The following MNS1 variants were observed in gnomAD, a reference collection of about 807,000 sequenced individuals.
The protein encoded by MNS1 is meiosis specific nuclear structural 1.
Under a neutral mutation model 72.0 loss-of-function variants are expected in MNS1, and 63 were observed. That is an observed-to-expected ratio of 0.87 (90% CI 0.71 to 1.08). The LOEUF (loss-of-function observed/expected upper bound fraction) is 1.08. MNS1 is among the 50% of genes least tolerant of loss of function. The pLI is 0.00. For synonymous variants in MNS1, 188 were observed against 172.1 expected (o/e 1.09, Z -0.72); for missense variants, 604 against 562.4 (o/e 1.07, Z -0.75).
chr15:56,456,391 T>G lies in MNS1; in HGVS notation c.353+3A>C, dbSNP rs773072033. On this transcript the variant is annotated splice_donor_region_variant and intron_variant, in intron 3 of 9. Transcript: ENST00000260453. ...TAAATGAAATTTAGAGAAACCAAGATACCTGTTTTCTCTTACTTGTTGCCT... is the reference window on the plus strand; with the variant it reads ...TAAATGAAATTTAGAGAAACCAAGAGACCTGTTTTCTCTTACTTGTTGCCT... The G allele has an allele frequency of 1.9e-6, 3 of 1,601,038 alleles. No homozygotes were observed. The highest frequency in any genetic ancestry group is 2.5e-6 in the Non-Finnish European group (3 of 1,176,648).
chr15:56,432,883 T>G (rs1443105671), intron 8 of MNS1, among the ~76,000 whole-genome samples: 2 of 152,236 alleles, frequency 1.3e-5, no homozygotes, highest in Non-Finnish European at 1.5e-5. Context: ...TAAGTCTCAC[T>G]TAGTCTTCCT....
Position 56,443,541 on chromosome 15 carries a change from T to C in MNS1, c.904-4A>G. On this transcript the variant is annotated splice_polypyrimidine_tract_variant and splice_region_variant and intron_variant, in intron 6 of 9. Transcript: ENST00000260453. ...TTTCTTCTAATTTCTGTGTCAACTA[T>C]TAAATTTTTTAAAAAACATAAATAT... The C allele has an allele frequency of 1.3e-6, 2 of 1,578,134 alleles. No individual in the cohort carries two copies. The highest frequency in any genetic ancestry group is 1.7e-6 in the Non-Finnish European group (2 of 1,168,142).
intron 3 of MNS1, among the ~76,000 whole-genome samples, chr15:56,451,646 T>C (rs747728804): frequency 5.3e-5 from 8 of 152,210 alleles, no homozygotes; most frequent in Non-Finnish European, 7.3e-5. Context: ...ATTTTGATTA[T>C]AGACAGTCTC....
chr15:56,429,086 C>T lies in MNS1; in HGVS notation c.*15G>A, dbSNP rs772699558. 2.2e-5 allele frequency: 34 copies of T among 1,531,592 alleles called. No individual in the cohort carries two copies. In the Middle Eastern group the frequency reaches 1.7e-3, roughly 77 times the overall value. The allele number at this position is 1,531,592 out of a possible 1,614,324, so 94.9% of individuals were successfully genotyped here. A position where few individuals can be genotyped will look rare whatever the true frequency, so the allele number is the denominator to read the frequency against. On this transcript the variant is annotated 3_prime_UTR_variant, in exon 10 of 10. Transcript: ENST00000260453. ...AACATGCAAAAAATCTATGCTTTAC[C>T]CAATTTTGATGATATCATTTCTCTT...
At chr15:56,443,213 A>G (rs1233750420) in intron 7 of MNS1, among the ~76,000 whole-genome samples, 1 of 152,184 alleles carries the variant, frequency 6.6e-6, no homozygotes, top group African/African-American at 2.4e-5. Flanking sequence ...TACAGACAAC[A>G]TAGTTGCATC....
chr15:56,443,984 A>T, intron 5 of MNS1, 130 bp from the exon 6 acceptor site: 1 of 719,272 alleles, frequency 1.4e-6, no homozygotes, highest in Non-Finnish European at 2.2e-6. Context: ...AACATTTTGA[A>T]TGCTTACTGT....
At position 56,428,891 on chromosome 15, in the gene MNS1, T is replaced by C; in HGVS notation, c.*210A>G. On this transcript the variant is annotated 3_prime_UTR_variant, in exon 10 of 10. Transcript: ENST00000260453. ...ACAGTGCTCTGTAGTGTTGTAGAAA[T>C]CGGATTTTGAAATTATCAGTACAAA... The C allele has an allele frequency of 4.0e-6, 2 of 501,724 alleles. No individual in the cohort carries two copies. Among genetic ancestry groups the C allele is most frequent in the Non-Finnish European group, 7.0e-6 (2 of 287,686 alleles). 31.1% of individuals were successfully genotyped at this position (501,724 alleles called of 1,614,324 possible).
intron 3 of MNS1, among the ~76,000 whole-genome samples, chr15:56,450,376 C>T (rs2050939610): frequency 6.6e-6 from 1 of 151,974 alleles, no homozygotes; most frequent in South Asian, 2.1e-4. Context: ...TTTTTCATTC[C>T]CCCCAAAGAG....
intron 2 of MNS1, among the ~76,000 whole-genome samples, chr15:56,457,580 T>C (rs1431193808): frequency 2.6e-5 from 4 of 152,158 alleles, no homozygotes; most frequent in Non-Finnish European, 5.9e-5. Context: ...CCCAGCACTT[T>C]GGGAGGCTAA....
chr15:56,434,052 G>T, intron 8 of MNS1, 86 bp downstream of exon 8: 1 of 1,385,466 alleles, frequency 7.2e-7, no homozygotes, highest in Non-Finnish European at 9.8e-7. Flanking sequence ...GGCATATAAA[G>T]CTTCTCAGTA....
At chr15:56,438,635 T>C (rs1453591124) in intron 7 of MNS1, among the ~76,000 whole-genome samples, 2 of 152,114 alleles carry the variant, frequency 1.3e-5, no homozygotes, top group African/African-American at 2.4e-5. Context: ...AAAGCCAAAA[T>C]TGACAAATGG....
intron 5 of MNS1, 35 bp from the exon 6 acceptor site, chr15:56,443,889 A>G (rs1208254775): frequency 2.1e-6 from 3 of 1,413,600 alleles, no homozygotes; most frequent in Non-Finnish European, 2.9e-6. Flanking sequence ...TTTATAGTAA[A>G]CAATAAAATA....
intron 7 of MNS1, among the ~76,000 whole-genome samples, chr15:56,439,040 CCTGA>C (rs1360007568): frequency 2.0e-5 from 3 of 151,980 alleles, no homozygotes; most frequent in South Asian, 4.1e-4. Context: ...AGAAGACATG[CCTGA>C]CTATGTAGGG....
chr15:56,454,253 T>C (rs1418253632), intron 3 of MNS1, among the ~76,000 whole-genome samples: 1 of 152,220 alleles, frequency 6.6e-6, no homozygotes, highest in Non-Finnish European at 1.5e-5. Context: ...TATATATTTA[T>C]GGGGTACATG....
chr15:56,447,862 C>T (rs1389583987), intron 3 of MNS1, among the ~76,000 whole-genome samples: 1 of 152,144 alleles, frequency 6.6e-6, no homozygotes, highest in African/African-American at 2.4e-5. Flanking sequence ...TCACCTTAGG[C>T]AGTATAAATT....
At chr15:56,436,698 A>T (rs529468001) in intron 7 of MNS1, among the ~76,000 whole-genome samples, 1 of 152,304 alleles carries the variant, frequency 6.6e-6, no homozygotes, top group South Asian at 2.1e-4. Context: ...AACAAAATTG[A>T]TAGACCGCTA....
intron 8 of MNS1, among the ~76,000 whole-genome samples, chr15:56,433,039 C>A (rs928256172): frequency 6.6e-6 from 1 of 152,194 alleles, no homozygotes; most frequent in Non-Finnish European, 1.5e-5. Context: ...CCAAAAACTT[C>A]ATTCCCTCTC....
chr15:56,456,339 C>T (rs2050981449), intron 3 of MNS1, 55 bp downstream of exon 3: 1 of 1,523,354 alleles, frequency 6.6e-7, no homozygotes. Flanking sequence ...CTAAGGATTA[C>T]ATAAGAGTTT....
chr15:56,460,886 T>C (rs2051015995), intron 2 of MNS1, among the ~76,000 whole-genome samples: 1 of 152,160 alleles, frequency 6.6e-6, no homozygotes, highest in Admixed American at 6.5e-5. Flanking sequence ...TAAGTGATTA[T>C]GAAGGCAGGC....
Sources: gnomAD v4.1 joint callset for allele counts (sites outside exome capture counted in the v4.1 genomes callset) on GRCh38, gnomAD v4.1.1 for gene constraint, MANE v1.5 for transcripts, NCBI Gene and HGNC (gene_info 2026-07-23, HGNC 2026-07-21) for gene names.